The following RIN3 variants were observed in gnomAD, a reference collection of about 807,000 sequenced individuals.
RIN3 encodes the protein Ras and Rab interactor 3.
RIN3 carries 54 observed loss-of-function variants against 76.3 expected under a neutral mutation model. The observed-to-expected ratio is 0.71, with a 90% CI of 0.57 to 0.89. The LOEUF (loss-of-function observed/expected upper bound fraction) is 0.89. Ranked by LOEUF, RIN3 falls within the 40% of genes least tolerant of loss-of-function variation. RIN3 has a pLI of 0.00. For missense variants in RIN3, 1,256 were observed against 1,322.1 expected, an observed-to-expected ratio of 0.95 and a Z score of 0.78; for synonymous variants, 576 against 564.0, an observed-to-expected ratio of 1.02 and a Z score of -0.30.
intron 1 of RIN3, among the ~76,000 whole-genome samples, chr14:92,528,071 G>A (rs1363255963): frequency 6.6e-6 from 1 of 151,894 alleles, no homozygotes; most frequent in Admixed American, 6.6e-5. Flanking sequence ...GGGGCTGCTG[G>A]GGGGTCCTGG....
At chr14:92,608,997 G>A (rs1271253862) in intron 3 of RIN3, among the ~76,000 whole-genome samples, 1 of 152,042 alleles carries the variant, frequency 6.6e-6, no homozygotes, top group African/African-American at 2.4e-5. Context: ...CCTGAGCAGT[G>A]TACACTCTAC....
intron 9 of RIN3, chr14:92,687,671 G>A (rs1888914140): frequency 4.0e-6 from 2 of 501,308 alleles, no homozygotes; most frequent in Non-Finnish European, 3.5e-6. Context: ...GGGACGCGCC[G>A]GCTCCTCTTT....
chr14:92,586,772 A>G (rs547545471), intron 3 of RIN3, among the ~76,000 whole-genome samples: 1 of 152,212 alleles, frequency 6.6e-6, no homozygotes, highest in Non-Finnish European at 1.5e-5. Context: ...GCTCATGCAT[A>G]CATAACCAGA....
intron 8 of RIN3, among the ~76,000 whole-genome samples, chr14:92,682,976 G>C (rs2140176568): frequency 6.6e-6 from 1 of 152,178 alleles, no homozygotes; most frequent in East Asian, 1.9e-4. Context: ...GACCAGCCTG[G>C]CCAACATGGT....
Position 92,682,933 on chromosome 14 carries a change from A to G in RIN3, c.2468-2054A>G, listed in dbSNP as rs144649333. ...GTAATCCCAGCTCTTTGGGAGGCCA[A>G]GGCGGGTGGATCACTTGAGCTCAGG... On this transcript the variant is annotated intron_variant, in intron 8 of 9. Coordinates refer to ENST00000216487, the MANE Select transcript of RIN3 (RefSeq NM_024832.5). Among the ~76,000 whole-genome samples, 1,103 of 152,324 alleles carry G rather than the reference A, an allele frequency of 7.2e-3. 14 individuals are homozygous for G. The highest frequency in any genetic ancestry group is 0.026 in the African/African-American group (1,063 of 41,578).
At chr14:92,600,316 C>T (rs532981982) in intron 3 of RIN3, among the ~76,000 whole-genome samples, 3 of 152,318 alleles carry the variant, frequency 2.0e-5, no homozygotes, top group Admixed American at 1.3e-4. Context: ...AGTGCCCTAA[C>T]ACGCACCCTC....
chr14:92,548,223 A>G (rs576109693), intron 1 of RIN3, among the ~76,000 whole-genome samples: 17 of 152,296 alleles, frequency 1.1e-4, no homozygotes, highest in Non-Finnish European at 1.6e-4. Flanking sequence ...ATACGTAAAC[A>G]TGAAATTTTT....
In RIN3 at chr14:92,588,764, C is replaced by G. The variant is rs549691768; in HGVS notation, c.367+11287C>G. 4.6e-5 allele frequency among the ~76,000 whole-genome samples: 7 copies of G among 152,282 alleles called. No individual in the cohort carries two copies. The South Asian group carries it at 1.4e-3, about 32-fold the overall frequency. On this transcript the variant is annotated intron_variant, in intron 3 of 9. Coordinates refer to ENST00000216487, the MANE Select transcript of RIN3 (RefSeq NM_024832.5). ...AGGTTGTGTCTGCCTCCCTCTCCCA[C>G]CCTCCCTGAAAACCTCTCTGGAAAT...
At position 92,523,071 on chromosome 14, in the gene RIN3, G is replaced by GT. The variant is rs1181279356; in HGVS notation, c.44+9101dup. Among the ~76,000 whole-genome samples, 7 of 152,230 alleles carry GT rather than the reference G, an allele frequency of 4.6e-5. No homozygotes were observed. The South Asian group carries it at 1.0e-3, about 23-fold the overall frequency. The stretch of plus-strand genomic sequence containing the variant: ...CATCCCAGCTACAGACTGCTTACCA[G>GT]TTTTTTATGAGAGGAATACATACTA... On this transcript the variant is annotated intron_variant, in intron 1 of 9. Transcript: ENST00000216487.
rs1357410170 is a variant in RIN3 at position 92,688,116 on chromosome 14, A to C, written c.2822A>C (p.His941Pro). 2 of 1,609,246 alleles carry C rather than the reference A, an allele frequency of 1.2e-6. No homozygotes were observed. The highest frequency in any genetic ancestry group is 1.3e-5 in the African/African-American group (1 of 74,862). ...CAGCTGGCGGACGACGCGCTGCCGCACTGCATCAAGGGCTACCTGCTGCGC... is the reference window on the plus strand; with the variant it reads ...CAGCTGGCGGACGACGCGCTGCCGCCCTGCATCAAGGGCTACCTGCTGCGC... ...CFQLADDALP[H>P]CIKGYLLRSE... Residue 941 changes from histidine to proline, a missense_variant, in exon 10 of 10, where the codon CAC becomes CCC. By Grantham distance (77) the His-to-Pro change is moderately conservative. This residue lies in a region of RIN3 where 218 missense variants were observed against 174.5 expected (regional missense o/e 1.25). Coordinates refer to ENST00000216487, the MANE Select transcript of RIN3 (RefSeq NM_024832.5).
intron 7 of RIN3, among the ~76,000 whole-genome samples, chr14:92,675,167 T>C (rs555986607): frequency 6.6e-6 from 1 of 152,376 alleles, no homozygotes; most frequent in East Asian, 1.9e-4. Context: ...CTTTTTGCTT[T>C]GGCCAGCAGG....
At chr14:92,567,977 TC>T (rs1210811084) in intron 2 of RIN3, among the ~76,000 whole-genome samples, 1 of 152,170 alleles carries the variant, frequency 6.6e-6, no homozygotes, top group Non-Finnish European at 1.5e-5. Flanking sequence ...ATATACATGA[TC>T]AGCAATTCTC....
At chr14:92,573,404 C>G (rs575212943) in intron 2 of RIN3, among the ~76,000 whole-genome samples, 51 of 152,296 alleles carry the variant, frequency 3.3e-4, no homozygotes, top group Admixed American at 3.1e-3. Context: ...GCCAGAAAGT[C>G]CAGAGGTTTT....
At chr14:92,645,309 G>A (rs1014551226) in intron 5 of RIN3, 3 of 152,160 alleles carry the variant, frequency 2.0e-5, no homozygotes, top group African/African-American at 7.2e-5. Flanking sequence ...GACAATGGGA[G>A]GCAAATTCAT....
intron 1 of RIN3, among the ~76,000 whole-genome samples, chr14:92,516,531 A>G (rs1396801601): frequency 6.6e-6 from 1 of 152,126 alleles, no homozygotes; most frequent in African/African-American, 2.4e-5. Context: ...GCACTTAGCT[A>G]GGAGACCTAG....
At chr14:92,653,744 G>T (rs1434978816) in intron 6 of RIN3, among the ~76,000 whole-genome samples, 2 of 152,214 alleles carry the variant, frequency 1.3e-5, no homozygotes, top group East Asian at 3.8e-4. Flanking sequence ...CAGGCCAGGC[G>T]CACTGGCTCA....
At chr14:92,576,105 C>A in intron 2 of RIN3, 3 of 669,618 alleles carry the variant, frequency 4.5e-6, no homozygotes, top group Non-Finnish European at 6.4e-6. Flanking sequence ...GGACCAAGTC[C>A]TTCCCCTATG....
chr14:92,632,696 G>T (rs1595470060), intron 4 of RIN3, among the ~76,000 whole-genome samples: 1 of 152,162 alleles, frequency 6.6e-6, no homozygotes. Context: ...GCCCTGTGCT[G>T]CCCCCACTCC....
At chr14:92,569,885 C>A (rs1002343131) in intron 2 of RIN3, among the ~76,000 whole-genome samples, 4 of 152,214 alleles carry the variant, frequency 2.6e-5, no homozygotes, top group Admixed American at 1.3e-4. Context: ...CACCCTCCAA[C>A]AAGAAGTCTA....
Sources: gnomAD v4.1 joint callset for allele counts (sites outside exome capture counted in the v4.1 genomes callset) on GRCh38, gnomAD v4.1.1 for gene constraint, gnomAD v4.1.1 regional missense constraint, MANE v1.5 for transcripts, NCBI Gene and HGNC (gene_info 2026-07-23, HGNC 2026-07-21) for gene names.